Variants in ITPR2 observed in about 807,000 individuals in gnomAD.
ITPR2 encodes inositol 1,4,5-trisphosphate receptor type 2.
A neutral mutation model predicts 317.1 loss-of-function variants in ITPR2; 207 were observed. The ratio of observed to expected loss-of-function variants is 0.65; its 90% CI spans 0.58 to 0.73. ITPR2 has a LOEUF of 0.73. ITPR2 is among the 30% of genes least tolerant of loss of function. ITPR2 has a pLI of 0.00. For missense variants in ITPR2, 2,613 were observed against 3,284.0 expected (o/e 0.80, Z 4.99); for synonymous variants, 1,156 against 1,149.1 (o/e 1.01, Z -0.12).
chr12:26,752,767 A>T (rs58099977), intron 2 of ITPR2, among the ~76,000 whole-genome samples: 4,967 of 151,668 alleles, frequency 0.033, 284 homozygotes, highest in African/African-American at 0.12. Flanking sequence ...TGGGGTCTGG[A>T]TCAGGACCCC....
chr12:26,643,500 T>A (rs945400089), intron 21 of ITPR2, among the ~76,000 whole-genome samples: 1 of 152,188 alleles, frequency 6.6e-6, no homozygotes, highest in Non-Finnish European at 1.5e-5. Context: ...AGAGAAAGCA[T>A]GTAGCTCTAA....
intron 54 of ITPR2, among the ~76,000 whole-genome samples, 195 bp from the exon 55 acceptor site, chr12:26,387,789 C>T (rs1015416300): frequency 1.1e-4 from 16 of 152,154 alleles, no homozygotes; most frequent in African/African-American, 3.9e-4. Context: ...TAGATTTTTT[C>T]CCAACTAACA....
chr12:26,832,972 G>C lies in ITPR2; in HGVS notation c.-191C>G, dbSNP rs944603453. On this transcript the variant is annotated 5_prime_UTR_variant, in exon 1 of 57. Transcript: ENST00000381340. Reference sequence around the variant, plus strand: ...GCGTGCGCGCCGGGGAAGCCAGACCGGGGCCAAGCCGCAGCTGCGGACACC... The same window carrying C: ...GCGTGCGCGCCGGGGAAGCCAGACCCGGGCCAAGCCGCAGCTGCGGACACC... 64 of 537,834 alleles carry C rather than the reference G, an allele frequency of 1.2e-4. No homozygotes were observed. The highest frequency in any genetic ancestry group is 1.0e-3 in the African/African-American group (49 of 48,964). The allele number at this position is 537,834 out of a possible 1,614,324, so 33.3% of individuals were successfully genotyped here. A position where few individuals can be genotyped will look rare whatever the true frequency, so the allele number is the denominator to read the frequency against.
chr12:26,672,161 G>A (rs1947790862), intron 13 of ITPR2, among the ~76,000 whole-genome samples: 3 of 152,018 alleles, frequency 2.0e-5, no homozygotes. Flanking sequence ...AGTTAACAAG[G>A]ATACCCAGGA....
chr12:26,473,471 C>A (rs1022807228), intron 45 of ITPR2, among the ~76,000 whole-genome samples: 2 of 152,172 alleles, frequency 1.3e-5, no homozygotes, highest in Non-Finnish European at 2.9e-5. Flanking sequence ...AAGAAGACAA[C>A]CTCCCCCATA....
At chr12:26,498,421 A>G (rs2136883356) in intron 37 of ITPR2, among the ~76,000 whole-genome samples, 1 of 152,356 alleles carries the variant, frequency 6.6e-6, no homozygotes, top group East Asian at 1.9e-4. Context: ...AAGGAAAGGA[A>G]AAACAAAACA....
chr12:26,728,789 T>C (rs1166025418), intron 2 of ITPR2, among the ~76,000 whole-genome samples: 3 of 152,228 alleles, frequency 2.0e-5, no homozygotes, highest in Non-Finnish European at 4.4e-5. Context: ...TTGTGAACTT[T>C]AAAGTCCTAT....
At chr12:26,604,852 T>C (rs1036465807) in intron 26 of ITPR2, among the ~76,000 whole-genome samples, 2 of 152,006 alleles carry the variant, frequency 1.3e-5, no homozygotes, top group Non-Finnish European at 2.9e-5. Context: ...TCCCGGCACT[T>C]TGGGAGGCCA....
At position 26,656,508 on chromosome 12, in the gene ITPR2, G is replaced by T; in HGVS notation, c.2233C>A (p.Gln745Lys). Residue 745 changes from glutamine (Q) to lysine (K), a missense_variant, in exon 19 of 57, where the codon CAG (glutamine) becomes AAG (lysine). Transcript: ENST00000381340. ...GAAATCTGGTTTATGGCCAGATACT[G>T]GCGATCCAAGCACATCCTTGCAAAG... is the stretch of plus-strand genomic sequence containing the variant. ...NLFARMCLDRQYLAINQISTQ... is the reference protein window; with the variant it reads ...NLFARMCLDRKYLAINQISTQ... 1 of 1,614,148 alleles carries T rather than the reference G, an allele frequency of 6.2e-7. No individual in the cohort carries two copies. The highest frequency in any genetic ancestry group is 8.5e-7 in the Non-Finnish European group (1 of 1,180,010).
chr12:26,655,583 C>G, intron 20 of ITPR2, 125 bp downstream of exon 20: 4 of 761,144 alleles, frequency 5.3e-6, no homozygotes, highest in Non-Finnish European at 7.9e-6. Flanking sequence ...CACTGCACTC[C>G]AGCCTGGGCG....
At chr12:26,431,708 C>G (rs752831849) in intron 48 of ITPR2, among the ~76,000 whole-genome samples, 5 of 152,200 alleles carry the variant, frequency 3.3e-5, no homozygotes, top group Admixed American at 6.5e-5. Flanking sequence ...ACCCCACTAC[C>G]TGGTTGAAGA....
In ITPR2 at chr12:26,631,878, A is replaced by G. The variant is rs768112154; in HGVS notation, c.2922T>C (p.Ile974=). 1 of 1,612,328 alleles carries G rather than the reference A, an allele frequency of 6.2e-7. No individual in the cohort carries two copies. ...TTAGGCAACACACCTGCAAAATCTC[A>G]ATGATCTTCAGCTTGGTGTCCATCA... ...VTVMDTKLKI[I]EILQFILSVR... Residue 974 remains isoleucine (I), a synonymous_variant, in exon 22 of 57, where the codon ATT becomes ATC. Coordinates refer to ENST00000381340, the MANE Select transcript of ITPR2 (RefSeq NM_002223.4).
chr12:26,400,286 ATAAAATTATG>A (rs1160598724), intron 52 of ITPR2, 28 bp from the exon 53 acceptor site: 2 of 1,349,324 alleles, frequency 1.5e-6, no homozygotes, highest in Admixed American at 2.3e-5. Flanking sequence ...AATATATGAT[ATAAAATTATG>A]TAAAAATATA....
intron 37 of ITPR2, among the ~76,000 whole-genome samples, chr12:26,516,297 G>A (rs1943507736): frequency 9.7e-6 from 1 of 103,622 alleles, no homozygotes; most frequent in African/African-American, 3.5e-5. Flanking sequence ...GAAAGGAAAG[G>A]AAAGGAAAGG....
At chr12:26,776,083 C>G (rs1310712141) in intron 2 of ITPR2, among the ~76,000 whole-genome samples, 1 of 151,630 alleles carries the variant, frequency 6.6e-6, no homozygotes, top group African/African-American at 2.4e-5. Context: ...CTGGAGCTGG[C>G]TGCTTAATAT....
chr12:26,363,957 A>G (rs535540738), intron 55 of ITPR2, among the ~76,000 whole-genome samples: 2 of 152,332 alleles, frequency 1.3e-5, no homozygotes, highest in Non-Finnish European at 2.9e-5. Flanking sequence ...ACAAATCTAA[A>G]GGCAACACTG....
intron 21 of ITPR2, among the ~76,000 whole-genome samples, 169 bp from the exon 22 acceptor site, chr12:26,632,228 T>C (rs924604400): frequency 1.3e-5 from 2 of 152,176 alleles, no homozygotes; most frequent in African/African-American, 4.8e-5. Flanking sequence ...AAAATTAAGA[T>C]ATTGCAGACA....
intron 15 of ITPR2, among the ~76,000 whole-genome samples, chr12:26,661,345 C>T (rs75357884): frequency 0.17 from 24,934 of 144,334 alleles, 3,092 homozygotes; most frequent in East Asian, 0.54. Flanking sequence ...TGTGTGTGTA[C>T]GCACACACTG....
At chr12:26,720,645 AAAGT>A (rs1295204868) in intron 5 of ITPR2, among the ~76,000 whole-genome samples, 1 of 152,212 alleles carries the variant, frequency 6.6e-6, no homozygotes, top group Non-Finnish European at 1.5e-5. Context: ...AGCAGTGTGG[AAAGT>A]TGTTTCAGCC....
Sources: gnomAD v4.1 joint callset for allele counts (sites outside exome capture counted in the v4.1 genomes callset) on GRCh38, gnomAD v4.1.1 for gene constraint, MANE v1.5 for transcripts, NCBI Gene and HGNC (gene_info 2026-07-23, HGNC 2026-07-21) for gene names.